The following RIMS2 variants were observed in gnomAD, a reference collection of about 807,000 sequenced individuals.
The protein encoded by RIMS2 is regulating synaptic membrane exocytosis 2, also known as regulating synaptic membrane exocytosis protein 2.
A neutral mutation model predicts 174.4 loss-of-function variants in RIMS2; 59 were observed. The observed-to-expected ratio is 0.34, with a 90% CI of 0.27 to 0.42. The LOEUF (loss-of-function observed/expected upper bound fraction) is 0.42, where lower values mean the gene tolerates loss of function less well. Ranked by LOEUF, RIMS2 falls within the 10% of genes least tolerant of loss-of-function variation. RIMS2 has a pLI of 1.00. For synonymous variants in RIMS2, 606 were observed against 572.5 expected, an observed-to-expected ratio of 1.06 and a Z score of -0.84; for missense variants, 1,620 against 1,666.3, an observed-to-expected ratio of 0.97 and a Z score of 0.48.
intron 1 of RIMS2, among the ~76,000 whole-genome samples, chr8:103,631,728 A>G (rs1331673135): frequency 6.6e-6 from 1 of 152,226 alleles, no homozygotes; most frequent in Non-Finnish European, 1.5e-5. Flanking sequence ...TAGTATGGGC[A>G]TTTTAATGAT....
chr8:103,530,578 T>A lies in RIMS2; in HGVS notation c.176+29516T>A, dbSNP rs1836555885. On this transcript the variant is annotated intron_variant, in intron 1 of 23. Transcript: ENST00000504942. The stretch of plus-strand genomic sequence containing the variant: ...AAAATAAAATGATATTAAAATATAC[T>A]TTGCAAGCGTTAAGCAAAAGAAATC... Among the ~76,000 whole-genome samples, 3 of 152,260 alleles carry A rather than the reference T, an allele frequency of 2.0e-5. No individual in the cohort carries two copies. The South Asian group carries it at 6.2e-4, about 32-fold the overall frequency.
chr8:103,823,221 G>C (rs931613120), intron 3 of RIMS2, among the ~76,000 whole-genome samples: 3 of 152,038 alleles, frequency 2.0e-5, no homozygotes, highest in African/African-American at 7.2e-5. Context: ...ATTTAGAGTA[G>C]ATATTAAAAA....
intron 1 of RIMS2, among the ~76,000 whole-genome samples, chr8:103,571,123 G>A (rs1420988139): frequency 6.6e-6 from 1 of 152,018 alleles, no homozygotes; most frequent in Non-Finnish European, 1.5e-5. Flanking sequence ...CTGTTAACTA[G>A]ATTATAAATT....
chr8:103,705,386 T>C (rs2097212577), intron 2 of RIMS2, among the ~76,000 whole-genome samples: 1 of 152,080 alleles, frequency 6.6e-6, no homozygotes, highest in Non-Finnish European at 1.5e-5. Flanking sequence ...TTGGAGAATG[T>C]TATATGTGCT....
chr8:104,210,024 A>G (rs977180761), intron 19 of RIMS2, among the ~76,000 whole-genome samples: 11 of 152,192 alleles, frequency 7.2e-5, no homozygotes, highest in African/African-American at 2.7e-4. Flanking sequence ...GGGACATGCA[A>G]TGAAAGATTC....
rs562982566 is a variant in RIMS2 at position 103,618,669 on chromosome 8, A to G, written c.177-78417A>G. Among the ~76,000 whole-genome samples the G allele has an allele frequency of 5.9e-5, 9 of 152,186 alleles. No homozygotes were observed. The East Asian group carries it at 7.7e-4, about 13-fold the overall frequency. On this transcript the variant is annotated intron_variant, in intron 1 of 23. Coordinates refer to ENST00000504942, the Ensembl canonical transcript of RIMS2. ...TCTAGAGAAAGTATTCCCTGACTAC[A>G]TGTTTCCTTAGGGGCCTCTCAATGG...
intron 4 of RIMS2, among the ~76,000 whole-genome samples, chr8:103,895,618 GT>G (rs2099273408): frequency 6.6e-6 from 1 of 151,542 alleles, no homozygotes; most frequent in Non-Finnish European, 1.5e-5. Context: ...GTCCGTGGCA[GT>G]CAGTTTCTTT....
chr8:103,798,473 G>A (rs2098572826), intron 3 of RIMS2, among the ~76,000 whole-genome samples: 1 of 152,100 alleles, frequency 6.6e-6, no homozygotes, highest in Non-Finnish European at 1.5e-5. Flanking sequence ...TATATTATCA[G>A]TTTTTCTTCT....
intron 1 of RIMS2, among the ~76,000 whole-genome samples, chr8:103,662,695 T>TA (rs1346584686): frequency 5.3e-5 from 8 of 152,170 alleles, no homozygotes; most frequent in Admixed American, 6.6e-5. Context: ...TCTATCTATC[T>TA]ATCTATCTAT....
chr8:104,186,292 G>A (rs900386202), intron 19 of RIMS2, among the ~76,000 whole-genome samples: 69 of 151,616 alleles, frequency 4.6e-4, no homozygotes, highest in African/African-American at 1.6e-3. Flanking sequence ...TATTATTTGG[G>A]TGATGAATAC....
At chr8:104,108,451 C>A (rs541538170) in intron 19 of RIMS2, among the ~76,000 whole-genome samples, 1 of 151,906 alleles carries the variant, frequency 6.6e-6, no homozygotes, top group Non-Finnish European at 1.5e-5. Context: ...ACCACCACAC[C>A]TGGCTATTTT....
intron 3 of RIMS2, among the ~76,000 whole-genome samples, chr8:103,868,618 A>T (rs1554908140): frequency 6.6e-6 from 1 of 152,054 alleles, no homozygotes; most frequent in Non-Finnish European, 1.5e-5. Flanking sequence ...GTTTGGTTAA[A>T]TTTTTTTCAT....
At chr8:103,677,369 C>T (rs1377511160) in intron 1 of RIMS2, among the ~76,000 whole-genome samples, 1 of 152,148 alleles carries the variant, frequency 6.6e-6, no homozygotes, top group Non-Finnish European at 1.5e-5. Flanking sequence ...CTGACCTAGT[C>T]AGACACCTTA....
rs562995565 is a variant in RIMS2 at position 103,576,041 on chromosome 8, G to A, written c.176+74979G>A. Among the ~76,000 whole-genome samples, 255 of 152,258 alleles carry A rather than the reference G, an allele frequency of 1.7e-3. 11 individuals carry two copies. In the South Asian group the frequency reaches 0.052, roughly 31 times the overall value. Reference sequence around the variant, plus strand: ...AGGACAACCAAACACAAAGTGGGAGGGCAGGACCACTATCCTCAGCATGGA... The same window carrying A: ...AGGACAACCAAACACAAAGTGGGAGAGCAGGACCACTATCCTCAGCATGGA... On this transcript the variant is annotated intron_variant, in intron 1 of 23. Coordinates refer to ENST00000504942, the Ensembl canonical transcript of RIMS2.
intron 2 of RIMS2, among the ~76,000 whole-genome samples, chr8:103,733,426 G>A (rs1240680589): frequency 1.3e-5 from 2 of 151,996 alleles, no homozygotes; most frequent in African/African-American, 4.8e-5. Context: ...CTCAGCTGGT[G>A]TCTCACTTGG....
At chr8:103,827,182 T>A (rs1485201796) in intron 3 of RIMS2, among the ~76,000 whole-genome samples, 1 of 152,220 alleles carries the variant, frequency 6.6e-6, no homozygotes, top group Non-Finnish European at 1.5e-5. Flanking sequence ...AGAGATCTTG[T>A]ATGACTTTGT....
At chr8:103,996,529 T>C (rs7830448) in intron 17 of RIMS2, among the ~76,000 whole-genome samples, 101,708 of 151,766 alleles carry the variant, frequency 0.67, 34,900 homozygotes, top group African/African-American at 0.71. Flanking sequence ...TTAGAAAGAA[T>C]GTGTTGGAAT....
At chr8:104,202,949 C>T (rs1299335138) in intron 19 of RIMS2, among the ~76,000 whole-genome samples, 1 of 152,014 alleles carries the variant, frequency 6.6e-6, no homozygotes, top group Non-Finnish European at 1.5e-5. Flanking sequence ...CTCTCATGAC[C>T]CTGGAAGTAC....
At chr8:103,586,068 A>G (rs967611404) in intron 1 of RIMS2, among the ~76,000 whole-genome samples, 1 of 152,180 alleles carries the variant, frequency 6.6e-6, no homozygotes, top group Non-Finnish European at 1.5e-5. Flanking sequence ...ATCTATATGC[A>G]TCAAAAACTG....
Sources: allele counts gnomAD v4.1 joint callset (sites outside exome capture counted in the v4.1 genomes callset), GRCh38; gene constraint gnomAD v4.1.1; transcripts MANE v1.5; gene names NCBI Gene and HGNC (gene_info 2026-07-23, HGNC 2026-07-21).